The following EEF1AKMT1 variants were observed in gnomAD, a reference collection of about 807,000 sequenced individuals.
EEF1AKMT1 encodes EEF1A lysine methyltransferase 1, also known as N-6 adenine-specific DNA methyltransferase 2 (putative).
Under a neutral mutation model 21.0 loss-of-function variants are expected in EEF1AKMT1, and 18 were observed. The observed-to-expected ratio is 0.86, with a 90% CI of 0.59 to 1.27. The LOEUF is 1.27. Among genes scored for constraint, EEF1AKMT1 ranks in the 50% most tolerant of loss-of-function variants. The pLI is 0.00. For synonymous variants in EEF1AKMT1, 109 were observed against 94.8 expected (o/e 1.15, Z -0.87); for missense variants, 246 against 258.6 (o/e 0.95, Z 0.33).
chr13:20,744,093 C>T (rs576990502), intron 2 of EEF1AKMT1, among the ~76,000 whole-genome samples: 83 of 152,152 alleles, frequency 5.5e-4, no homozygotes, highest in Non-Finnish European at 1.0e-3. Flanking sequence ...TCCAGTCTGT[C>T]ACTGATGGGC....
At chr13:20,769,048 CCT>C (rs1187406214) in intron 1 of EEF1AKMT1, 1 of 151,784 alleles carries the variant, frequency 6.6e-6, no homozygotes, top group Non-Finnish European at 1.5e-5. Context: ...GGGGATGTCC[CCT>C]GTTGGGCATA....
At chr13:20,739,064 G>T (rs886525406) in intron 2 of EEF1AKMT1, among the ~76,000 whole-genome samples, 4 of 152,004 alleles carry the variant, frequency 2.6e-5, no homozygotes, top group African/African-American at 9.7e-5. Context: ...CTCCTGGGGG[G>T]GTCGTGGTCT....
chr13:20,730,775 A>G (rs1295328837), intron 4 of EEF1AKMT1, among the ~76,000 whole-genome samples: 1 of 152,230 alleles, frequency 6.6e-6, no homozygotes, highest in Non-Finnish European at 1.5e-5. Flanking sequence ...GAATGGACCA[A>G]TAAGCAGGAC....
Position 20,739,597 on chromosome 13 carries a change from G to A in EEF1AKMT1, c.145-1792C>T, listed in dbSNP as rs564364002. Among the ~76,000 whole-genome samples, 4 of 152,310 alleles carry A rather than the reference G, an allele frequency of 2.6e-5. 1 individual carries two copies. The South Asian group carries it at 8.3e-4, about 32-fold the overall frequency. ...CTAGCTAGACGTAAAAGTTCTCCAA[G>A]TCCCCACCAGATTAGCTAGACACAG... On this transcript the variant is annotated intron_variant, in intron 2 of 4. Transcript: ENST00000382758.
At position 20,748,725 on chromosome 13, in the gene EEF1AKMT1, G is replaced by GTTGTTGTT. The variant is rs1491496241; in HGVS notation, c.144+8729_144+8730insAACAACAA. On this transcript the variant is annotated intron_variant, in intron 2 of 4. Coordinates refer to ENST00000382758, the MANE Select transcript of EEF1AKMT1 (RefSeq NM_001318939.2). Reference sequence around the variant, plus strand: ...TCCTAATGTATAGTTGTTTTTTTTTGGTTTTTTTTTTTTTTTTTTTTTGAG... The same window carrying GTTGTTGTT: ...TCCTAATGTATAGTTGTTTTTTTTTGTTGTTGTTGTTTTTTTTTTTTTTTTTTTTTGAG... Among the ~76,000 whole-genome samples the GTTGTTGTT allele has an allele frequency of 1.8e-3, 125 of 68,638 alleles. 2 individuals carry two copies. The South Asian group carries it at 0.036, about 20-fold the overall frequency. The allele number at this position is 68,638 out of a possible 152,430, so 45.0% of individuals were successfully genotyped here. A position where few individuals can be genotyped will look rare whatever the true frequency, so the allele number is the denominator to read the frequency against.
chr13:20,732,477 C>T (rs546564229), intron 3 of EEF1AKMT1, among the ~76,000 whole-genome samples: 13 of 151,950 alleles, frequency 8.6e-5, no homozygotes, highest in African/African-American at 1.7e-4. Flanking sequence ...ATTACAGGCA[C>T]GCGCCACTGC....
chr13:20,739,301 G>A (rs978861014), intron 2 of EEF1AKMT1, among the ~76,000 whole-genome samples: 10 of 152,136 alleles, frequency 6.6e-5, no homozygotes, highest in Admixed American at 1.3e-4. Flanking sequence ...TTTATTGTGA[G>A]GAGCAAAAGA....
At chr13:20,769,928 T>C (rs1161438278) in intron 1 of EEF1AKMT1, among the ~76,000 whole-genome samples, 1 of 151,824 alleles carries the variant, frequency 6.6e-6, no homozygotes, top group East Asian at 1.9e-4. Context: ...GAAAATGACA[T>C]ATGAACAAAA....
At chr13:20,746,297 T>C (rs1000582645) in intron 2 of EEF1AKMT1, among the ~76,000 whole-genome samples, 1 of 152,014 alleles carries the variant, frequency 6.6e-6, no homozygotes, top group African/African-American at 2.4e-5. Context: ...GGATTACAAG[T>C]CCATGCCACC....
At chr13:20,771,087 GT>G (rs2059060758) in intron 1 of EEF1AKMT1, among the ~76,000 whole-genome samples, 1 of 151,962 alleles carries the variant, frequency 6.6e-6, no homozygotes, top group Non-Finnish European at 1.5e-5. Flanking sequence ...GCCCAGGCTG[GT>G]CCTGAACTCC....
chr13:20,759,050 C>T (rs2058985333), intron 1 of EEF1AKMT1, among the ~76,000 whole-genome samples: 1 of 152,166 alleles, frequency 6.6e-6, no homozygotes, highest in East Asian at 1.9e-4. Context: ...AAATGTCACA[C>T]CTGAAACTAT....
At chr13:20,739,091 G>T (rs142234469) in intron 2 of EEF1AKMT1, among the ~76,000 whole-genome samples, 49 of 152,210 alleles carry the variant, frequency 3.2e-4, no homozygotes, top group African/African-American at 1.0e-3. Context: ...CTTCAGGAGT[G>T]AAGCTGCAGA....
intron 1 of EEF1AKMT1, among the ~76,000 whole-genome samples, chr13:20,768,281 T>C (rs2059046752): frequency 6.6e-6 from 1 of 152,220 alleles, no homozygotes; most frequent in African/African-American, 2.4e-5. Flanking sequence ...ATTTGATCTT[T>C]TCAGGTCTCA....
At chr13:20,770,129 G>C (rs2059055551) in intron 1 of EEF1AKMT1, among the ~76,000 whole-genome samples, 1 of 152,102 alleles carries the variant, frequency 6.6e-6, no homozygotes, top group Non-Finnish European at 1.5e-5. Context: ...GATTCCCTTG[G>C]AAAAGAAGGA....
chr13:20,743,783 A>G (rs1390496258), intron 2 of EEF1AKMT1, among the ~76,000 whole-genome samples: 2 of 151,524 alleles, frequency 1.3e-5, no homozygotes, highest in African/African-American at 4.9e-5. Flanking sequence ...TCAACCCATC[A>G]TGTAGGTTTT....
intron 4 of EEF1AKMT1, among the ~76,000 whole-genome samples, chr13:20,730,772 C>A (rs2818987): frequency 6.6e-6 from 1 of 151,950 alleles, no homozygotes; most frequent in Non-Finnish European, 1.5e-5. Flanking sequence ...GTAGAATGGA[C>A]CAATAAGCAG....
At chr13:20,739,282 G>A (rs1467503985) in intron 2 of EEF1AKMT1, among the ~76,000 whole-genome samples, 3 of 152,196 alleles carry the variant, frequency 2.0e-5, no homozygotes, top group Non-Finnish European at 2.9e-5. Context: ...ACAGTGAGCA[G>A]CAGTAACATT....
chr13:20,732,182 A>G, intron 3 of EEF1AKMT1, 61 bp from the exon 4 acceptor site: 4 of 1,517,706 alleles, frequency 2.6e-6, no homozygotes, highest in East Asian at 4.5e-5. Context: ...GGTGTTAACA[A>G]CTTCTTCACT....
chr13:20,734,840 A>T (rs1291705413), intron 3 of EEF1AKMT1, among the ~76,000 whole-genome samples: 1 of 152,180 alleles, frequency 6.6e-6, no homozygotes, highest in Non-Finnish European at 1.5e-5. Context: ...ATCTAAAAGC[A>T]GTGTCACTAA....
Sources: allele counts gnomAD v4.1 joint callset (sites outside exome capture counted in the v4.1 genomes callset), GRCh38; gene constraint gnomAD v4.1.1; transcripts MANE v1.5; gene names NCBI Gene and HGNC (gene_info 2026-07-23, HGNC 2026-07-21).